Variants in GSAP observed in about 807,000 individuals in gnomAD.
GSAP encodes gamma-secretase activating protein, also known as gamma-secretase-activating protein.
GSAP carries 118 observed loss-of-function variants against 131.7 expected under a neutral mutation model. The observed-to-expected ratio is 0.90, with a 90% CI of 0.77 to 1.04. The LOEUF (loss-of-function observed/expected upper bound fraction) is 1.04. Among genes scored for constraint, GSAP ranks in the 50% least tolerant of loss-of-function variants. The pLI is 0.00. For synonymous variants in GSAP, 381 were observed against 363.4 expected, an observed-to-expected ratio of 1.05 and a Z score of -0.55; for missense variants, 1,019 against 1,013.2, an observed-to-expected ratio of 1.01 and a Z score of -0.08.
At position 77,330,366 on chromosome 7, in the gene GSAP, A is replaced by C; in HGVS notation, c.1547T>G (p.Val516Gly). The change falls in exon 20 of 31, where the codon GTG becomes GGG. Residue 516 changes from valine to glycine, a missense_variant and splice_region_variant. By Grantham distance (109) the Val-to-Gly change is moderately radical (BLOSUM62 -3). Transcript: ENST00000257626. Reference sequence around the variant, plus strand: ...TTCCCAGTAGCCCTTAAAGCTGAGCACCTGTAGGAGACAAAAACATCAGTG... The same window carrying C: ...TTCCCAGTAGCCCTTAAAGCTGAGCCCCTGTAGGAGACAAAAACATCAGTG... ...TEDIALPLMK[V>G]LSFKGYWEKL... 1 of 1,613,060 alleles carries C rather than the reference A, an allele frequency of 6.2e-7. No homozygotes were observed. Among genetic ancestry groups the C allele is most frequent in the Non-Finnish European group, 8.5e-7 (1 of 1,179,418 alleles).
intron 19 of GSAP, among the ~76,000 whole-genome samples, chr7:77,342,554 CATCTCCCCTTGT>C (rs915500380): frequency 6.6e-6 from 1 of 152,090 alleles, no homozygotes; most frequent in African/African-American, 2.4e-5. Flanking sequence ...GCCTCCTTCG[CATCTCCCCTTGT>C]ATCTCCCCAC....
chr7:77,353,176 A>G lies in GSAP; in HGVS notation c.1409-150T>C, dbSNP rs997712155. 26 of 597,040 alleles carry G rather than the reference A, an allele frequency of 4.4e-5. No homozygotes were observed. The Admixed American group carries it at 8.0e-4, about 18-fold the overall frequency. The allele number at this position is 597,040 out of a possible 1,614,324, so 37.0% of individuals were successfully genotyped here. On this transcript the variant is annotated intron_variant, in intron 17 of 30. Transcript: ENST00000257626. ...AACGGTAACCATCATGATTTTATCTACTGACTAAAATGTTCAGGTTCTGCT... is the reference window on the plus strand; with the variant it reads ...AACGGTAACCATCATGATTTTATCTGCTGACTAAAATGTTCAGGTTCTGCT...
chr7:77,334,274 G>A (rs1273838334), intron 19 of GSAP, among the ~76,000 whole-genome samples: 3 of 152,054 alleles, frequency 2.0e-5, no homozygotes, highest in Non-Finnish European at 4.4e-5. Flanking sequence ...TCCTTTGCAG[G>A]GACACAGATG....
intron 6 of GSAP, among the ~76,000 whole-genome samples, chr7:77,383,193 A>G (rs1266469049): frequency 1.3e-5 from 2 of 152,170 alleles, no homozygotes; most frequent in African/African-American, 4.8e-5. Flanking sequence ...TCTAAAAATA[A>G]AGTAAAATAA....
chr7:77,397,079 G>T, intron 4 of GSAP, 44 bp from the exon 5 acceptor site: 1 of 1,306,836 alleles, frequency 7.7e-7, no homozygotes, highest in Non-Finnish European at 1.1e-6. Context: ...TGATCCATAT[G>T]GTAGCTTGTT....
intron 14 of GSAP, among the ~76,000 whole-genome samples, chr7:77,357,939 A>G (rs1388263984): frequency 6.6e-6 from 1 of 152,266 alleles, no homozygotes; most frequent in African/African-American, 2.4e-5. Flanking sequence ...TATGCTAACT[A>G]GCCTGATTTG....
At chr7:77,369,361 C>G (rs1795788723) in intron 12 of GSAP, among the ~76,000 whole-genome samples, 1 of 152,192 alleles carries the variant, frequency 6.6e-6, no homozygotes. Flanking sequence ...AGTGGCCTGA[C>G]AGCAGCAGTG....
At chr7:77,355,803 T>C (rs1196057757) in intron 14 of GSAP, among the ~76,000 whole-genome samples, 156 bp from the exon 15 acceptor site, 1 of 148,950 alleles carries the variant, frequency 6.7e-6, no homozygotes, top group Non-Finnish European at 1.5e-5. Context: ...TTTTTTTTTT[T>C]TTTAAGACAG....
intron 5 of GSAP, among the ~76,000 whole-genome samples, chr7:77,390,779 C>A (rs1175388325): frequency 2.0e-5 from 3 of 150,412 alleles, no homozygotes; most frequent in Admixed American, 1.3e-4. Flanking sequence ...TAAAAAAATA[C>A]AAATCAATTA....
intron 9 of GSAP, 128 bp from the exon 10 acceptor site, chr7:77,377,035 G>T (rs1584589859): frequency 1.5e-6 from 1 of 670,512 alleles, no homozygotes; most frequent in East Asian, 2.9e-5. Context: ...TAATAATAAT[G>T]TCAAAATCAA....
At chr7:77,314,765 C>T (rs545217361) in intron 26 of GSAP, 33 of 273,052 alleles carry the variant, frequency 1.2e-4, no homozygotes, top group East Asian at 2.5e-4. Flanking sequence ...AATGGTTTTA[C>T]GGTTTGATAT....
intron 1 of GSAP, among the ~76,000 whole-genome samples, chr7:77,406,710 T>C (rs1347772726): frequency 6.6e-6 from 1 of 152,246 alleles, no homozygotes; most frequent in Non-Finnish European, 1.5e-5. Flanking sequence ...ATGGTGCCAT[T>C]AGCCAAGGGT....
At chr7:77,312,778 G>A (rs557719128) in intron 28 of GSAP, among the ~76,000 whole-genome samples, 4 of 152,350 alleles carry the variant, frequency 2.6e-5, no homozygotes, top group African/African-American at 4.8e-5. Context: ...ACAGCCGTTC[G>A]TGAGAGGACA....
At chr7:77,356,208 T>C (rs1793707638) in intron 14 of GSAP, among the ~76,000 whole-genome samples, 1 of 152,226 alleles carries the variant, frequency 6.6e-6, no homozygotes, top group Admixed American at 6.5e-5. Flanking sequence ...TTTATTTCCA[T>C]CTTTGGCTAA....
In GSAP at chr7:77,334,579, T is replaced by TAAAAAAAAAAAAAAAAAAAAAAAAAA. The variant is rs1200040086; in HGVS notation, c.1546-4213_1546-4212insTTTTTTTTTTTTTTTTTTTTTTTTTT. Among the ~76,000 whole-genome samples the TAAAAAAAAAAAAAAAAAAAAAAAAAA allele has an allele frequency of 4.4e-4, 36 of 82,400 alleles. 5 individuals are homozygous for TAAAAAAAAAAAAAAAAAAAAAAAAAA. Among genetic ancestry groups the TAAAAAAAAAAAAAAAAAAAAAAAAAA allele is most frequent in the Middle Eastern group, 6.3e-3 (1 of 158 alleles). 54.1% of individuals were successfully genotyped at this position (82,400 alleles called of 152,430 possible). On this transcript the variant is annotated intron_variant, in intron 19 of 30. Coordinates refer to ENST00000257626, the MANE Select transcript of GSAP (RefSeq NM_017439.4). ...GCCCATGTATCCTGGAACTTAAAAT[T>TAAAAAAAAAAAAAAAAAAAAAAAAAA]TAAAAAAAAAAAAAAAAAAAAAAAA...
chr7:77,377,237 T>TAAAAAAAAAAAAAAAAAAAAAAAA (rs533755073), intron 9 of GSAP, 49 bp downstream of exon 9: 40 of 894,424 alleles, frequency 4.5e-5, no homozygotes, highest in African/African-American at 2.9e-4. Flanking sequence ...AATATTTTTG[T>TAAAAAAAAAAAAAAAAAAAAAAAA]AAAAAAAAAA....
Position 77,362,632 on chromosome 7 carries a change from C to T in GSAP, c.900G>A (p.Lys300=). The T allele has an allele frequency of 6.3e-7, 1 of 1,584,718 alleles. No individual in the cohort carries two copies. The highest frequency in any genetic ancestry group is 8.7e-7 in the Non-Finnish European group (1 of 1,153,826). ...TGSLCVCYSP[K]CASWGQITYS... is the part of the protein sequence containing the mutation. ...ATGTGATTTGTCCCCAAGAGGCACA[C>T]TTCGGGCTGTAACATACACACAAAC... The change falls in exon 13 of 31, where the codon AAG becomes AAA. Residue 300 remains lysine, a synonymous_variant. Coordinates refer to ENST00000257626, the MANE Select transcript of GSAP (RefSeq NM_017439.4).
intron 19 of GSAP, among the ~76,000 whole-genome samples, chr7:77,334,579 TTA>T (rs1491511208): frequency 0.015 from 1,205 of 82,370 alleles, 66 homozygotes; most frequent in African/African-American, 0.056. Context: ...AACTTAAAAT[TTA>T]AAAAAAAAAA....
chr7:77,412,916 G>A (rs1803543512), intron 1 of GSAP, among the ~76,000 whole-genome samples: 1 of 152,054 alleles, frequency 6.6e-6, no homozygotes, highest in Non-Finnish European at 1.5e-5. Flanking sequence ...GCCCAGGAAA[G>A]ACGAAGATGT....
Sources: allele counts gnomAD v4.1 joint callset (sites outside exome capture counted in the v4.1 genomes callset), GRCh38; gene constraint gnomAD v4.1.1; transcripts MANE v1.5; gene names NCBI Gene and HGNC (gene_info 2026-07-23, HGNC 2026-07-21).